FCHSD2: variants seen among roughly 807,000 people sequenced by gnomAD.
The protein encoded by FCHSD2 is FCH and double SH3 domains 2.
In FCHSD2, 38 loss-of-function variants were observed where a neutral mutation model predicts 108.1. That is an observed-to-expected ratio of 0.35 (90% CI 0.27 to 0.46). The LOEUF is 0.46. Ranked by LOEUF, FCHSD2 falls within the 20% of genes least tolerant of loss-of-function variation. FCHSD2 has a pLI of 1.00. For missense variants in FCHSD2, 751 were observed against 897.8 expected (o/e 0.84, Z 2.09); for synonymous variants, 279 against 314.7 (o/e 0.89, Z 1.20).
chr11:72,868,791 A>C (rs1333865566), intron 12 of FCHSD2, among the ~76,000 whole-genome samples: 1 of 152,228 alleles, frequency 6.6e-6, no homozygotes, highest in Non-Finnish European at 1.5e-5. Flanking sequence ...TGATCCTATC[A>C]GTCTTACATG....
At chr11:72,870,234 C>CCT (rs1854823697) in intron 12 of FCHSD2, among the ~76,000 whole-genome samples, 1 of 152,100 alleles carries the variant, frequency 6.6e-6, no homozygotes. Context: ...TTCTCTGCTC[C>CCT]TAAAGCACTC....
In FCHSD2 at chr11:72,840,866, C is replaced by T. The variant is rs1565280592; in HGVS notation, c.2139+11G>A. 3.8e-6 allele frequency: 6 copies of T among 1,579,488 alleles called. No individual in the cohort carries two copies. The African/African-American group carries it at 5.4e-5, about 14-fold the overall frequency. The stretch of plus-strand genomic sequence containing the variant: ...TATGCATTCGATAATCCTGCAAGAT[C>T]AGAGACTTACAGGTCGCAGTTTGCC... On this transcript the variant is annotated intron_variant, in intron 19 of 19. Transcript: ENST00000409418.
chr11:72,910,873 C>T (rs1054818322), intron 9 of FCHSD2, among the ~76,000 whole-genome samples: 3 of 150,768 alleles, frequency 2.0e-5, no homozygotes, highest in African/African-American at 7.3e-5. Context: ...TGTTTGAGCT[C>T]CTTATATATT....
At chr11:72,907,995 T>C (rs1205952138) in intron 9 of FCHSD2, among the ~76,000 whole-genome samples, 1 of 152,214 alleles carries the variant, frequency 6.6e-6, no homozygotes, top group Non-Finnish European at 1.5e-5. Context: ...ATATTTTTTA[T>C]ACCCATTAGC....
intron 3 of FCHSD2, among the ~76,000 whole-genome samples, chr11:73,067,693 G>GA (rs1466978754): frequency 6.6e-6 from 1 of 151,848 alleles, no homozygotes; most frequent in Non-Finnish European, 1.5e-5. Context: ...TAAGCACAGA[G>GA]AAAATGAGCG....
At chr11:72,905,943 G>A (rs1480310593) in intron 9 of FCHSD2, among the ~76,000 whole-genome samples, 1 of 152,032 alleles carries the variant, frequency 6.6e-6, no homozygotes, top group Non-Finnish European at 1.5e-5. Context: ...TAATCCTTTG[G>A]GTATATACCC....
intron 2 of FCHSD2, among the ~76,000 whole-genome samples, chr11:73,128,425 G>A (rs1428806351): frequency 2.0e-5 from 3 of 152,140 alleles, no homozygotes; most frequent in Non-Finnish European, 4.4e-5. Context: ...CTACCTCCAA[G>A]AAGATCACAT....
chr11:73,057,723 T>A (rs1013708110), intron 3 of FCHSD2, among the ~76,000 whole-genome samples: 2 of 152,182 alleles, frequency 1.3e-5, no homozygotes, highest in South Asian at 2.1e-4. Context: ...GTTCTGTACA[T>A]CTATTAATCA....
At chr11:73,104,837 C>A (rs957464070) in intron 2 of FCHSD2, among the ~76,000 whole-genome samples, 2 of 152,148 alleles carry the variant, frequency 1.3e-5, no homozygotes, top group African/African-American at 4.8e-5. Flanking sequence ...GGATTACAGG[C>A]CTGAGTCACC....
intron 8 of FCHSD2, among the ~76,000 whole-genome samples, chr11:72,936,136 T>G (rs1239114779): frequency 2.0e-5 from 3 of 152,234 alleles, no homozygotes. Flanking sequence ...TTTCCATTCC[T>G]TATCTGACAG....
At chr11:73,128,840 T>TAA (rs1860920664) in intron 2 of FCHSD2, among the ~76,000 whole-genome samples, 1 of 152,242 alleles carries the variant, frequency 6.6e-6, no homozygotes. Flanking sequence ...CAGGTTACTC[T>TAA]TTAAAGAATA....
chr11:73,039,035 C>A (rs922897280), intron 3 of FCHSD2, among the ~76,000 whole-genome samples: 1 of 152,166 alleles, frequency 6.6e-6, no homozygotes, highest in African/African-American at 2.4e-5. Context: ...TATCTCCTTA[C>A]TTCTTTCTAA....
intron 4 of FCHSD2, among the ~76,000 whole-genome samples, chr11:73,002,972 T>C (rs963369115): frequency 6.6e-6 from 1 of 152,220 alleles, no homozygotes; most frequent in Non-Finnish European, 1.5e-5. Flanking sequence ...AAATAAAGAA[T>C]GGTTACAATA....
intron 2 of FCHSD2, among the ~76,000 whole-genome samples, chr11:73,134,247 G>C (rs1397720150): frequency 1.3e-5 from 2 of 152,080 alleles, no homozygotes; most frequent in African/African-American, 4.8e-5. Context: ...AAGGTGGGAG[G>C]ATCACTTGAG....
intron 3 of FCHSD2, among the ~76,000 whole-genome samples, chr11:73,017,123 C>T (rs531437758): frequency 6.6e-6 from 1 of 152,136 alleles, no homozygotes; most frequent in East Asian, 1.9e-4. Flanking sequence ...CCTGGGACTA[C>T]AGGCACATGC....
intron 6 of FCHSD2, among the ~76,000 whole-genome samples, chr11:72,988,430 T>C (rs1189004251): frequency 1.3e-5 from 2 of 152,350 alleles, no homozygotes; most frequent in African/African-American, 4.8e-5. Flanking sequence ...ATTCATACAA[T>C]TGCTAAAGCA....
intron 13 of FCHSD2, among the ~76,000 whole-genome samples, chr11:72,852,790 T>C (rs1861325077): frequency 6.6e-6 from 1 of 152,192 alleles, no homozygotes; most frequent in Non-Finnish European, 1.5e-5. Context: ...GTGGTACATA[T>C]ATACCATGAA....
intron 9 of FCHSD2, among the ~76,000 whole-genome samples, chr11:72,917,367 T>C (rs1855894660): frequency 6.6e-6 from 1 of 152,234 alleles, no homozygotes. Flanking sequence ...TGAATAGTCA[T>C]GGCACCTTTG....
intron 3 of FCHSD2, among the ~76,000 whole-genome samples, chr11:73,040,698 AT>A (rs922030467): frequency 1.3e-5 from 2 of 152,266 alleles, no homozygotes; most frequent in African/African-American, 4.8e-5. Context: ...GATATTTATC[AT>A]CTCAAACATT....
Sources: allele counts gnomAD v4.1 joint callset (sites outside exome capture counted in the v4.1 genomes callset), GRCh38; gene constraint gnomAD v4.1.1; transcripts MANE v1.5; gene names NCBI Gene and HGNC (gene_info 2026-07-23, HGNC 2026-07-21).